Variants in KLHL1 observed in about 807,000 individuals in gnomAD.
KLHL1 encodes the protein kelch-like protein 1.
A neutral mutation model predicts 77.7 loss-of-function variants in KLHL1; 47 were observed. That is an observed-to-expected ratio of 0.60 (90% CI 0.48 to 0.77). KLHL1 has a LOEUF of 0.77. Among genes scored for constraint, KLHL1 ranks in the 30% least tolerant of loss-of-function variants. KLHL1 has a pLI of 0.00. For synonymous variants in KLHL1, 360 were observed against 325.2 expected (o/e 1.11, Z -1.15); for missense variants, 925 against 910.8 (o/e 1.02, Z -0.20).
At chr13:70,025,004 A>G (rs983025349) in intron 1 of KLHL1, among the ~76,000 whole-genome samples, 5 of 152,004 alleles carry the variant, frequency 3.3e-5, no homozygotes, top group Admixed American at 3.3e-4. Context: ...AAGCCTCACA[A>G]TAGTCTCATG....
At chr13:69,997,017 T>G (rs1885172716) in intron 1 of KLHL1, among the ~76,000 whole-genome samples, 1 of 143,800 alleles carries the variant, frequency 7.0e-6, no homozygotes, top group Non-Finnish European at 1.5e-5. Flanking sequence ...GGTCAGGAGT[T>G]CGAGACCAAC....
intron 3 of KLHL1, among the ~76,000 whole-genome samples, chr13:69,941,321 G>A (rs532501107): frequency 2.0e-5 from 3 of 152,012 alleles, no homozygotes; most frequent in South Asian, 4.1e-4. Flanking sequence ...ACAAATGCAT[G>A]GAAGTTAATA....
chr13:69,861,571 C>T (rs35421658), intron 5 of KLHL1, among the ~76,000 whole-genome samples: 48,220 of 151,480 alleles, frequency 0.32, 8,189 homozygotes, highest in African/African-American at 0.45. Context: ...TATATACACA[C>T]GCACATATAT....
At chr13:70,060,851 G>A (rs370719483) in intron 1 of KLHL1, among the ~76,000 whole-genome samples, 29 of 149,246 alleles carry the variant, frequency 1.9e-4, no homozygotes, top group East Asian at 2.0e-4. Flanking sequence ...CGTCTCAAAA[G>A]AAAAAAAAAA....
chr13:69,743,312 G>A (rs149459609), intron 7 of KLHL1, among the ~76,000 whole-genome samples: 318 of 152,184 alleles, frequency 2.1e-3, no homozygotes, highest in African/African-American at 6.7e-3. Flanking sequence ...GTTAGGTGGC[G>A]GTAGGGAGAT....
chr13:70,069,429 CTTT>C (rs1887088477), intron 1 of KLHL1, among the ~76,000 whole-genome samples: 1 of 152,190 alleles, frequency 6.6e-6, no homozygotes, highest in East Asian at 1.9e-4. Flanking sequence ...TCATGTATGT[CTTT>C]TAACAAAAAA....
intron 1 of KLHL1, among the ~76,000 whole-genome samples, chr13:69,992,648 A>T (rs138212788): frequency 1.8e-4 from 28 of 152,156 alleles, no homozygotes; most frequent in Admixed American, 1.1e-3. Flanking sequence ...ATACAGAATG[A>T]TCCTTTATCT....
chr13:69,813,004 G>T, intron 6 of KLHL1, among the ~76,000 whole-genome samples: 1 of 149,428 alleles, frequency 6.7e-6, no homozygotes, highest in African/African-American at 2.5e-5. Context: ...AAATCATGCT[G>T]CTATAAAGAT....
intron 6 of KLHL1, among the ~76,000 whole-genome samples, chr13:69,816,634 G>A (rs1401850695): frequency 6.6e-6 from 1 of 152,096 alleles, no homozygotes; most frequent in East Asian, 1.9e-4. Flanking sequence ...TATAATTAAA[G>A]TTGTAGTTCA....
intron 9 of KLHL1, among the ~76,000 whole-genome samples, chr13:69,713,914 A>G (rs1875992791): frequency 6.6e-6 from 1 of 152,134 alleles, no homozygotes; most frequent in African/African-American, 2.4e-5. Flanking sequence ...TTTTAACCCC[A>G]AGACAGAGGA....
chr13:69,769,474 C>T (rs1172859353), intron 7 of KLHL1, among the ~76,000 whole-genome samples: 1 of 152,168 alleles, frequency 6.6e-6, no homozygotes, highest in East Asian at 1.9e-4. Flanking sequence ...ACCCAACCTT[C>T]AAGCCAGTGA....
intron 5 of KLHL1, among the ~76,000 whole-genome samples, chr13:69,868,535 C>A (rs898593676): frequency 6.6e-6 from 1 of 152,052 alleles, no homozygotes; most frequent in African/African-American, 2.4e-5. Flanking sequence ...ATTTTGGAAA[C>A]AATTTTCTTC....
chr13:70,064,635 C>T (rs777653438), intron 1 of KLHL1, among the ~76,000 whole-genome samples: 1 of 152,074 alleles, frequency 6.6e-6, no homozygotes, highest in Non-Finnish European at 1.5e-5. Flanking sequence ...AGACTATTGC[C>T]TACCGTTGTA....
At chr13:69,986,474 AAAAC>A (rs1028424457) in intron 1 of KLHL1, among the ~76,000 whole-genome samples, 3 of 152,164 alleles carry the variant, frequency 2.0e-5, no homozygotes, top group South Asian at 2.1e-4. Flanking sequence ...GTATCAATTA[AAAAC>A]AAACAAAAAC....
chr13:70,017,354 T>C (rs887133333), intron 1 of KLHL1, among the ~76,000 whole-genome samples: 17 of 152,204 alleles, frequency 1.1e-4, no homozygotes, highest in African/African-American at 2.2e-4. Context: ...TGGAAGCCAT[T>C]GCATTCTCCT....
chr13:70,066,037 GA>G (rs1413026870), intron 1 of KLHL1, among the ~76,000 whole-genome samples: 2 of 152,268 alleles, frequency 1.3e-5, no homozygotes, highest in East Asian at 3.9e-4. Flanking sequence ...AATTTGCTCA[GA>G]CAAAAATGTT....
Position 70,096,908 on chromosome 13 carries a change from GAAC to G in KLHL1, c.497+10292_497+10294del, listed in dbSNP as rs1217197599. ...ATCGCCAACAGAAGGCTCCTAGAAAGAACATCAAGAGTATAATCTAGATTCCAC... is the reference window on the plus strand; with the variant it reads ...ATCGCCAACAGAAGGCTCCTAGAAAGATCAAGAGTATAATCTAGATTCCAC... On this transcript the variant is annotated intron_variant, in intron 1 of 10. Coordinates refer to ENST00000377844, the MANE Select transcript of KLHL1 (RefSeq NM_020866.3). 8.6e-5 allele frequency among the ~76,000 whole-genome samples: 13 copies of G among 152,020 alleles called. No homozygotes were observed. The South Asian group carries it at 2.7e-3, about 31-fold the overall frequency.
chr13:69,797,844 A>C (rs1008900441), intron 6 of KLHL1, among the ~76,000 whole-genome samples: 2 of 151,588 alleles, frequency 1.3e-5, no homozygotes, highest in African/African-American at 4.8e-5. Context: ...AAAAAAAAAA[A>C]ATCTGGGGAA....
chr13:69,989,211 T>A (rs1884956824), intron 1 of KLHL1, among the ~76,000 whole-genome samples: 2 of 152,094 alleles, frequency 1.3e-5, no homozygotes, highest in African/African-American at 4.8e-5. Context: ...ATTTATTGAA[T>A]AGGTAATCCT....
Sources: allele counts gnomAD v4.1 joint callset (sites outside exome capture counted in the v4.1 genomes callset), GRCh38; gene constraint gnomAD v4.1.1; transcripts MANE v1.5; gene names NCBI Gene and HGNC (gene_info 2026-07-23, HGNC 2026-07-21).